Variants in WDR33 observed in about 807,000 individuals in gnomAD.
WDR33 encodes pre-mRNA 3' end processing protein WDR33.
WDR33 carries 47 observed loss-of-function variants against 164.9 expected under a neutral mutation model. The ratio of observed to expected loss-of-function variants is 0.29; its 90% CI spans 0.23 to 0.36. The LOEUF (loss-of-function observed/expected upper bound fraction) is 0.36, where lower values mean the gene tolerates loss of function less well. Among genes scored for constraint, WDR33 ranks in the 10% least tolerant of loss-of-function variants. The pLI is 1.00. For missense variants in WDR33, 1,137 were observed against 1,754.1 expected (o/e 0.65, Z 6.28); for synonymous variants, 505 against 589.0 (o/e 0.86, Z 2.06).
At chr2:127,809,617 G>A (rs929775625) in intron 1 of WDR33, among the ~76,000 whole-genome samples, 5 of 151,784 alleles carry the variant, frequency 3.3e-5, no homozygotes, top group African/African-American at 1.2e-4. Flanking sequence ...TGTATTTTTA[G>A]TAGAGACGGG....
chr2:127,709,951 T>G lies in WDR33; in HGVS notation c.3309-95A>C, dbSNP rs1686118132. The G allele has an allele frequency of 6.9e-7, 1 of 1,438,908 alleles. No homozygotes were observed. Among genetic ancestry groups the G allele is most frequent in the Non-Finnish European group, 9.4e-7 (1 of 1,058,958 alleles). 89.1% of individuals were successfully genotyped at this position (1,438,908 alleles called of 1,614,324 possible). A position where few individuals can be genotyped will look rare whatever the true frequency, so the allele number is the denominator to read the frequency against. On this transcript the variant is annotated intron_variant, in intron 18 of 21. Transcript: ENST00000322313. The surrounding 1 kb of genome is among the most constrained non-coding windows in gnomAD (Gnocchi z 5.0). The stretch of plus-strand genomic sequence containing the variant: ...AAGCATATGATATGAGAAAGCATGA[T>G]ACAATGTTAATTGGGAGGAAAACAA...
At chr2:127,801,858 T>C (rs965474982) in intron 1 of WDR33, among the ~76,000 whole-genome samples, 6 of 151,914 alleles carry the variant, frequency 3.9e-5, no homozygotes, top group African/African-American at 1.5e-4. Flanking sequence ...CACTCCTGCC[T>C]GGGTGATACA....
At position 127,701,975 on chromosome 2, in the gene WDR33, C is replaced by T. The variant is rs1685901247; in HGVS notation, c.*4348G>A. The T allele has an allele frequency of 2.9e-6, 4 of 1,367,540 alleles. No homozygotes were observed. The highest frequency in any genetic ancestry group is 1.5e-5 in the African/African-American group (1 of 64,898). The allele number at this position is 1,367,540 out of a possible 1,614,324, so 84.7% of individuals were successfully genotyped here. ...CGCCGTCCCGGCCCGCGCTGCTCTA[C>T]ATGGCAGCGCTGGGCGCCACGCTGT... is the stretch of plus-strand genomic sequence containing the variant. On this transcript the variant is annotated 3_prime_UTR_variant, in exon 22 of 22. Transcript: ENST00000322313.
At chr2:127,794,364 G>C (rs568065789) in intron 1 of WDR33, among the ~76,000 whole-genome samples, 2 of 151,198 alleles carry the variant, frequency 1.3e-5, no homozygotes, top group African/African-American at 2.4e-5. Flanking sequence ...GCTGGGTGTG[G>C]TGGCAGGTGC....
chr2:127,789,864 C>T (rs1688782479), intron 1 of WDR33, among the ~76,000 whole-genome samples: 1 of 151,998 alleles, frequency 6.6e-6, no homozygotes, highest in Non-Finnish European at 1.5e-5. Context: ...GAGACAGGGT[C>T]TCACTCTGTC....
chr2:127,800,771 A>C (rs1283505434), intron 1 of WDR33, among the ~76,000 whole-genome samples: 1 of 152,214 alleles, frequency 6.6e-6, no homozygotes, highest in Non-Finnish European at 1.5e-5. Flanking sequence ...CTGAGTTTTA[A>C]TTTAAATCTA....
At chr2:127,772,271 T>C (rs770362915) in intron 1 of WDR33, among the ~76,000 whole-genome samples, 1 of 152,130 alleles carries the variant, frequency 6.6e-6, no homozygotes, top group Non-Finnish European at 1.5e-5. Context: ...ACCCCGTCTC[T>C]ACTAAAAATA....
rs375889084 is a variant in WDR33 at position 127,704,406 on chromosome 2, C to T, written c.*1917G>A. ...GCCCAAAATAATGAAAATTTTTCCA[C>T]TAGAATCTCAGGGAAAAAAAGTCTA... On this transcript the variant is annotated 3_prime_UTR_variant, in exon 22 of 22. Transcript: ENST00000322313. 2 of 166,876 alleles carry T rather than the reference C, an allele frequency of 1.2e-5. No homozygotes were observed. The highest frequency in any genetic ancestry group is 3.9e-4 in the East Asian group (2 of 5,192). 10.3% of individuals were successfully genotyped at this position (166,876 alleles called of 1,614,324 possible).
In WDR33 at chr2:127,777,338, A is replaced by G. The variant is rs146179875; in HGVS notation, c.-23-6334T>C. Reference sequence around the variant, plus strand: ...AATTTCGCAGAACAGTAGTTTTCAGACTTTGTGGTGCCTGGCCCCCTCTCT... The same window carrying G: ...AATTTCGCAGAACAGTAGTTTTCAGGCTTTGTGGTGCCTGGCCCCCTCTCT... On this transcript the variant is annotated intron_variant, in intron 1 of 21. Coordinates refer to ENST00000322313, the MANE Select transcript of WDR33 (RefSeq NM_018383.5). Among the ~76,000 whole-genome samples the G allele has an allele frequency of 6.6e-5, 10 of 152,242 alleles. No homozygotes were observed. The East Asian group carries it at 1.9e-3, about 29-fold the overall frequency.
Position 127,714,048 on chromosome 2 carries a change from C to T in WDR33, c.2870-27G>A, listed in dbSNP as rs756183450. On this transcript the variant is annotated intron_variant, in intron 17 of 21. Transcript: ENST00000322313. This position sits in a 1 kb window ranked among gnomAD's most constrained non-coding sequence, Gnocchi z 4.3. Reference sequence around the variant, plus strand: ...TAAAGGAAACAAAGCTGACTTTTACCATGTCTTCCAGGAAACCTGCCAACA... The same window carrying T: ...TAAAGGAAACAAAGCTGACTTTTACTATGTCTTCCAGGAAACCTGCCAACA... 2.6e-5 allele frequency: 39 copies of T among 1,496,726 alleles called. No individual in the cohort carries two copies. The highest frequency in any genetic ancestry group is 3.3e-5 in the Non-Finnish European group (37 of 1,129,720). 92.7% of individuals were successfully genotyped at this position (1,496,726 alleles called of 1,614,324 possible).
chr2:127,709,651 A>G lies in WDR33; in HGVS notation c.3472+42T>C. 6.2e-7 allele frequency: 1 copy of G among 1,614,002 alleles called. No individual in the cohort carries two copies. The highest frequency in any genetic ancestry group is 8.5e-7 in the Non-Finnish European group (1 of 1,179,898). ...TGTATTCACAACCAGTGTATTCTGC[A>G]CCCTATCCTTCCAGACCAGGTGTCT... On this transcript the variant is annotated intron_variant, in intron 19 of 21. Transcript: ENST00000322313. The surrounding 1 kb of genome is among the most constrained non-coding windows in gnomAD (Gnocchi z 5.0).
chr2:127,802,578 A>G (rs1689291525), intron 1 of WDR33, among the ~76,000 whole-genome samples: 1 of 152,132 alleles, frequency 6.6e-6, no homozygotes, highest in South Asian at 2.1e-4. Flanking sequence ...CACCACGCCC[A>G]GCCAGTACTT....
chr2:127,722,234 C>T lies in WDR33; in HGVS notation c.1519-246G>A, dbSNP rs1045874083. On this transcript the variant is annotated intron_variant, in intron 14 of 21. Transcript: ENST00000322313. This position sits in a 1 kb window ranked among gnomAD's most constrained non-coding sequence, Gnocchi z 5.1. ...ATGTTATTAAGAATGCAAAGCTTGCCAGCCTCTTCACAGGGTACATGCACT... is the reference window on the plus strand; with the variant it reads ...ATGTTATTAAGAATGCAAAGCTTGCTAGCCTCTTCACAGGGTACATGCACT... 7.9e-5 allele frequency among the ~76,000 whole-genome samples: 12 copies of T among 152,118 alleles called. No individual in the cohort carries two copies. Among genetic ancestry groups the T allele is most frequent in the Admixed American group, 3.9e-4 (6 of 15,266 alleles).
intron 7 of WDR33, among the ~76,000 whole-genome samples, chr2:127,746,406 TAAATC>T (rs1344067434): frequency 1.3e-5 from 2 of 152,210 alleles, no homozygotes; most frequent in African/African-American, 4.8e-5. Context: ...AATCTCCTCT[TAAATC>T]AAATTAAGTA....
chr2:127,765,799 A>G (rs79143122), intron 4 of WDR33, among the ~76,000 whole-genome samples: 3 of 151,952 alleles, frequency 2.0e-5, no homozygotes, highest in Non-Finnish European at 2.9e-5. Context: ...ATATTTAAAA[A>G]AAAAAAAAAA....
intron 1 of WDR33, among the ~76,000 whole-genome samples, chr2:127,791,227 T>A (rs1303318013): frequency 9.2e-6 from 1 of 109,082 alleles, no homozygotes; most frequent in African/African-American, 3.6e-5. Flanking sequence ...GGCACAATCA[T>A]ACCTCACTGC....
rs1242693375 is a variant in WDR33 at position 127,705,127 on chromosome 2, TTGAC to T, written c.*1192_*1195del. 4.8e-5 allele frequency: 8 copies of T among 167,200 alleles called. No individual in the cohort carries two copies. Among genetic ancestry groups the T allele is most frequent in the Non-Finnish European group, 8.8e-5 (6 of 68,128 alleles). The allele number at this position is 167,200 out of a possible 1,614,324, so 10.4% of individuals were successfully genotyped here. A position where few individuals can be genotyped will look rare whatever the true frequency, so the allele number is the denominator to read the frequency against. Reference sequence around the variant, plus strand: ...GCACCACTAAATTTGCCAAATAAATTTGACTGATGCCAAAACTGAAGCTGCCAAT... The same window carrying T: ...GCACCACTAAATTTGCCAAATAAATTTGATGCCAAAACTGAAGCTGCCAAT... On this transcript the variant is annotated 3_prime_UTR_variant, in exon 22 of 22. Coordinates refer to ENST00000322313, the MANE Select transcript of WDR33 (RefSeq NM_018383.5). The surrounding 1 kb of genome is among the most constrained non-coding windows in gnomAD (Gnocchi z 4.5).
chr2:127,809,580 C>G (rs1490566418), intron 1 of WDR33, among the ~76,000 whole-genome samples: 1 of 151,828 alleles, frequency 6.6e-6, no homozygotes, highest in African/African-American at 2.4e-5. Flanking sequence ...GGATTACAGG[C>G]GCCCACCACC....
rs901723460 is a variant in WDR33, at chr2:127,791,172, C to A, written c.-24+19840G>T. Reference sequence around the variant, plus strand: ...AACTCTTTCCCCACCCCACCCCCCCCCCCAGCAACTGCGTCTCACTCTGTC... The same window carrying A: ...AACTCTTTCCCCACCCCACCCCCCCACCCAGCAACTGCGTCTCACTCTGTC... On this transcript the variant is annotated intron_variant, in intron 1 of 21. Coordinates refer to ENST00000322313, the MANE Select transcript of WDR33 (RefSeq NM_018383.5). 8.4e-5 allele frequency among the ~76,000 whole-genome samples: 10 copies of A among 119,046 alleles called. No individual in the cohort carries two copies. In the East Asian group the frequency reaches 9.3e-4, roughly 11 times the overall value. The allele number at this position is 119,046 out of a possible 152,430, so 78.1% of individuals were successfully genotyped here.
Sources: allele counts gnomAD v4.1 joint callset (sites outside exome capture counted in the v4.1 genomes callset), GRCh38; gene constraint gnomAD v4.1.1; non-coding constraint Gnocchi (gnomAD v3.1); transcripts MANE v1.5; gene names NCBI Gene and HGNC (gene_info 2026-07-23, HGNC 2026-07-21).